ACAD11: variants seen among roughly 807,000 people sequenced by gnomAD.
ACAD11 encodes acyl-Coenzyme A dehydrogenase family, member 11.
ACAD11 carries 83 observed loss-of-function variants against 102.2 expected under a neutral mutation model. The ratio of observed to expected loss-of-function variants is 0.81; its 90% CI spans 0.68 to 0.97. ACAD11 has a LOEUF of 0.97. Among genes scored for constraint, ACAD11 ranks in the 50% least tolerant of loss-of-function variants. ACAD11 has a pLI of 0.00. For synonymous variants in ACAD11, 324 were observed against 319.8 expected, an observed-to-expected ratio of 1.01 and a Z score of -0.14; for missense variants, 901 against 951.7, an observed-to-expected ratio of 0.95 and a Z score of 0.70.
chr3:132,584,113 T>C (rs1471800556), intron 13 of ACAD11, among the ~76,000 whole-genome samples: 1 of 152,174 alleles, frequency 6.6e-6, no homozygotes, highest in African/African-American at 2.4e-5. Flanking sequence ...CTGGATATCC[T>C]TGTTAACTTT....
At chr3:132,642,656 T>TA in intron 3 of ACAD11, 21 bp downstream of exon 3, 1 of 1,573,850 alleles carries the variant, frequency 6.4e-7, no homozygotes, top group Non-Finnish European at 8.6e-7. Flanking sequence ...AGCAACAAAA[T>TA]AAGATTAAGT....
At chr3:132,647,826 G>A (rs955392898) in intron 1 of ACAD11, among the ~76,000 whole-genome samples, 2 of 151,996 alleles carry the variant, frequency 1.3e-5, no homozygotes, top group African/African-American at 4.8e-5. Context: ...ACATTTTTGG[G>A]GCCTGGGAAG....
chr3:132,641,574 A>AAGG (rs1454686802), intron 4 of ACAD11, among the ~76,000 whole-genome samples: 1 of 149,810 alleles, frequency 6.7e-6, no homozygotes, highest in East Asian at 2.0e-4. Context: ...GAAGAAGAAG[A>AAGG]AGAAGAAGAA....
At chr3:132,625,006 G>C (rs1296078040) in intron 9 of ACAD11, among the ~76,000 whole-genome samples, 2 of 152,134 alleles carry the variant, frequency 1.3e-5, no homozygotes, top group Non-Finnish European at 2.9e-5. Flanking sequence ...TTGGAGTGCT[G>C]TTGCAGCCTT....
At chr3:132,655,570 C>T (rs1937744155) in intron 1 of ACAD11, among the ~76,000 whole-genome samples, 1 of 152,182 alleles carries the variant, frequency 6.6e-6, no homozygotes, top group Admixed American at 6.5e-5. Context: ...TTACATGGCT[C>T]ACATTTTCAT....
In ACAD11 at chr3:132,618,792, G is replaced by A. The variant is rs369962447; in HGVS notation, c.1276-20C>T. 10 of 1,538,644 alleles carry A rather than the reference G, an allele frequency of 6.5e-6. No individual in the cohort carries two copies. The highest frequency in any genetic ancestry group is 8.7e-6 in the Non-Finnish European group (10 of 1,148,680). On this transcript the variant is annotated intron_variant, in intron 10 of 19. Coordinates refer to ENST00000264990, the MANE Select transcript of ACAD11 (RefSeq NM_032169.5). ...CATTTCCTGTCAAGGTGATGAACAT[G>A]CCAGAGTGACCATAATTTACCAGGA...
At chr3:132,627,778 AAAGC>A (rs150644550) in intron 8 of ACAD11, among the ~76,000 whole-genome samples, 498 of 152,348 alleles carry the variant, frequency 3.3e-3, no homozygotes, top group Non-Finnish European at 5.4e-3. Context: ...AAATTGGAAA[AAAGC>A]AATTGTCCTA....
intron 17 of ACAD11, among the ~76,000 whole-genome samples, chr3:132,573,054 A>G (rs914584133): frequency 3.3e-5 from 5 of 152,036 alleles, no homozygotes; most frequent in African/African-American, 4.8e-5. Flanking sequence ...TGCATTAGCT[A>G]TTTGTCCTAA....
rs868196818 is a variant in ACAD11 at position 132,612,954 on chromosome 3, C to A, written c.1414+5680G>T. Among the ~76,000 whole-genome samples, 32 of 152,066 alleles carry A rather than the reference C, an allele frequency of 2.1e-4. 1 individual carries two copies. In the Middle Eastern group the frequency reaches 0.01, roughly 48 times the overall value. On this transcript the variant is annotated intron_variant, in intron 11 of 19. Coordinates refer to ENST00000264990, the MANE Select transcript of ACAD11 (RefSeq NM_032169.5). ...ATGTTTATTGTGGCACTATTCACAA[C>A]AGCAAAGACTTGGAACCAACCCAAA...
intron 11 of ACAD11, 82 bp downstream of exon 11, chr3:132,618,552 A>C (rs1939496296): frequency 8.2e-7 from 1 of 1,224,782 alleles, no homozygotes; most frequent in African/African-American, 1.6e-5. Context: ...CTTTGTATAA[A>C]AACACATTCT....
intron 13 of ACAD11, among the ~76,000 whole-genome samples, chr3:132,599,358 T>G (rs1218652882): frequency 6.6e-6 from 1 of 151,536 alleles, no homozygotes; most frequent in Admixed American, 6.6e-5. Context: ...ATAGAAAAAA[T>G]TAGCCAGGCA....
intron 13 of ACAD11, among the ~76,000 whole-genome samples, chr3:132,588,192 G>GGTAT (rs3045373): frequency 0.14 from 21,286 of 150,738 alleles, 1,542 homozygotes; most frequent in Middle Eastern, 0.24. Context: ...CAGGCAGGCA[G>GGTAT]GTATGTATGT....
At chr3:132,607,638 C>T (rs572325701) in intron 11 of ACAD11, among the ~76,000 whole-genome samples, 38 of 152,164 alleles carry the variant, frequency 2.5e-4, no homozygotes, top group African/African-American at 9.2e-4. Flanking sequence ...AAAGACCAAA[C>T]CTAGGTTTGA....
chr3:132,568,801 C>CAAAAAAAAAAAA (rs755568917), intron 17 of ACAD11, among the ~76,000 whole-genome samples: 65 of 68,680 alleles, frequency 9.5e-4, no homozygotes, highest in South Asian at 7.6e-3. Flanking sequence ...CATCCACAGG[C>CAAAAAAAAAAAA]AAAAAAAAAA....
chr3:132,653,279 T>G (rs1003928596), intron 1 of ACAD11, among the ~76,000 whole-genome samples: 1 of 152,186 alleles, frequency 6.6e-6, no homozygotes, highest in Non-Finnish European at 1.5e-5. Flanking sequence ...CATTCTCAGC[T>G]AATTAATTAC....
intron 11 of ACAD11, among the ~76,000 whole-genome samples, chr3:132,610,355 C>G (rs1459708111): frequency 6.6e-6 from 1 of 151,912 alleles, no homozygotes; most frequent in Non-Finnish European, 1.5e-5. Context: ...TAGCAGAAGG[C>G]AAGAAATAAC....
At chr3:132,590,451 TGGCCAGGCTG>T (rs1447345444) in intron 13 of ACAD11, among the ~76,000 whole-genome samples, 2 of 152,154 alleles carry the variant, frequency 1.3e-5, no homozygotes, top group Non-Finnish European at 2.9e-5. Context: ...TTTGCCATGT[TGGCCAGGCTG>T]GTCTCAAACT....
chr3:132,601,708 G>A (rs953657054), intron 13 of ACAD11: 10 of 452,280 alleles, frequency 2.2e-5, no homozygotes, highest in Non-Finnish European at 3.4e-5. Context: ...CTGCTGTAAC[G>A]AAGAAGAGCT....
At chr3:132,600,317 A>C in intron 13 of ACAD11, 1 of 1,300,260 alleles carries the variant, frequency 7.7e-7, no homozygotes, top group Non-Finnish European at 1.0e-6. Flanking sequence ...AGAACAAAAC[A>C]GCTTGATAAA....
Sources: gnomAD v4.1 joint callset for allele counts (sites outside exome capture counted in the v4.1 genomes callset) on GRCh38, gnomAD v4.1.1 for gene constraint, MANE v1.5 for transcripts, NCBI Gene and HGNC (gene_info 2026-07-23, HGNC 2026-07-21) for gene names.